ENTREP3: variants seen among roughly 807,000 people sequenced by gnomAD.
ENTREP3 encodes endosomal transmembrane epsin interactor 3, also known as protein ENTREP3.
At chr1:155,254,451 C>T in the ENTREP3 span, 61 of 1,614,088 alleles carry the variant, frequency 3.8e-5, no homozygotes, top group East Asian at 2.7e-4. The surrounding 1 kb of genome is among the most constrained non-coding windows in gnomAD (Gnocchi z 4.4). Flanking sequence ...CCCCGGAGAA[C>T]GCCAGCTGGG....
At chr1:155,249,171 C>G in the ENTREP3 span, among the ~76,000 whole-genome samples, 1 of 151,180 alleles carries the variant, frequency 6.6e-6, no homozygotes, top group Admixed American at 6.6e-5. Flanking sequence ...CACGGCAACC[C>G]CTGCTTTCCA....
chr1:155,254,014 A>G, the ENTREP3 span: 1 of 1,612,842 alleles, frequency 6.2e-7, no homozygotes, highest in Non-Finnish European at 8.5e-7. The surrounding 1 kb of genome is among the most constrained non-coding windows in gnomAD (Gnocchi z 4.4). Flanking sequence ...AGCCTGAGTC[A>G]GGACAAACTG....
At chr1:155,251,759 G>C in the ENTREP3 span, 2 of 1,611,108 alleles carry the variant, frequency 1.2e-6, no homozygotes, top group Admixed American at 1.7e-5. Flanking sequence ...CTGAGCTGCA[G>C]GTATACTCTG....
chr1:155,248,577 C>T, the ENTREP3 span: 1 of 873,724 alleles, frequency 1.1e-6, no homozygotes, highest in Non-Finnish European at 1.9e-6. Flanking sequence ...TCACAGCTCC[C>T]ACGCTCCATC....
chr1:155,253,662 C>G, the ENTREP3 span: 6 of 1,613,950 alleles, frequency 3.7e-6, no homozygotes, highest in African/African-American at 2.7e-5. Context: ...TTGGATGCAG[C>G]AGACAATAGC....
chr1:155,250,708 C>G, the ENTREP3 span: 138 of 1,612,970 alleles, frequency 8.6e-5, no homozygotes, highest in South Asian at 1.5e-3. This position sits in a 1 kb window ranked among gnomAD's most constrained non-coding sequence, Gnocchi z 5.4. Context: ...AGAACGTAGT[C>G]CACGGAGCGC....
chr1:155,251,746 T>C, the ENTREP3 span: 3 of 1,611,538 alleles, frequency 1.9e-6, no homozygotes. Context: ...TGTGCATCTG[T>C]TTCTGAGCTG....
the ENTREP3 span, chr1:155,251,832 AGGAGAGGGGCTG>A: frequency 6.4e-7 from 1 of 1,557,232 alleles, no homozygotes; most frequent in Non-Finnish European, 8.6e-7. Context: ...CATGGTGTGT[AGGAGAGGGGCTG>A]GGGGCGGGGA....
At chr1:155,251,262 C>G in the ENTREP3 span, 1 of 1,011,862 alleles carries the variant, frequency 9.9e-7, no homozygotes, top group East Asian at 2.6e-5. Context: ...CCAGCCTTGT[C>G]CCTTTGTACA....
chr1:155,247,283 C>G, the ENTREP3 span: 43 of 405,878 alleles, frequency 1.1e-4, no homozygotes, highest in Admixed American at 1.2e-3. Context: ...ATTCTACCTT[C>G]ACAGTCTTTA....
At chr1:155,251,223 GAC>G in the ENTREP3 span, 1 of 1,360,044 alleles carries the variant, frequency 7.4e-7, no homozygotes, top group Non-Finnish European at 1.0e-6. Flanking sequence ...CCATGTGCTA[GAC>G]AGAGCTCTGG....
At chr1:155,250,113 C>T in the ENTREP3 span, among the ~76,000 whole-genome samples, 8 of 152,150 alleles carry the variant, frequency 5.3e-5, no homozygotes, top group African/African-American at 1.9e-4. The surrounding 1 kb of genome is among the most constrained non-coding windows in gnomAD (Gnocchi z 5.4). Context: ...ATGTTCTGTC[C>T]CTAGGAGGTG....
the ENTREP3 span, chr1:155,254,751 G>A: frequency 6.2e-7 from 1 of 1,613,866 alleles, no homozygotes; most frequent in Admixed American, 1.7e-5. The surrounding 1 kb of genome is among the most constrained non-coding windows in gnomAD (Gnocchi z 4.4). Context: ...ATGCCCAGGA[G>A]CACTTGGACC....
chr1:155,251,829 T>C, the ENTREP3 span: 1 of 1,560,098 alleles, frequency 6.4e-7, no homozygotes, highest in Non-Finnish European at 8.6e-7. Flanking sequence ...CAGCATGGTG[T>C]GTAGGAGAGG....
chr1:155,253,796 G>T, the ENTREP3 span: 1 of 1,609,704 alleles, frequency 6.2e-7, no homozygotes, highest in Non-Finnish European at 8.5e-7. Flanking sequence ...ATGGGCCTGT[G>T]AGTACCCCAG....
the ENTREP3 span, chr1:155,248,143 G>T: frequency 1.2e-6 from 2 of 1,614,006 alleles, no homozygotes; most frequent in African/African-American, 2.7e-5. Flanking sequence ...CTGGCCAGCT[G>T]CCCTTTAGGT....
At chr1:155,248,297 C>T in the ENTREP3 span, 9 of 1,604,196 alleles carry the variant, frequency 5.6e-6, no homozygotes, top group Middle Eastern at 5.0e-4. Flanking sequence ...GGCTTCAGAG[C>T]AGAGCCCTGC....
At chr1:155,252,787 A>G in the ENTREP3 span, 1 of 122,476 alleles carries the variant, frequency 8.2e-6, no homozygotes, top group Non-Finnish European at 1.6e-5. Context: ...GCTGGAATGC[A>G]GTGGCACCAT....
chr1:155,251,815 G>C, the ENTREP3 span: 2 of 1,576,960 alleles, frequency 1.3e-6, no homozygotes, highest in Non-Finnish European at 1.7e-6. Context: ...AATTCCTCCA[G>C]GTCCAGCATG....
Sources: allele counts gnomAD v4.1 joint callset (sites outside exome capture counted in the v4.1 genomes callset), GRCh38; gene constraint gnomAD v4.1.1; non-coding constraint Gnocchi (gnomAD v3.1); transcripts MANE v1.5; gene names NCBI Gene and HGNC (gene_info 2026-07-23, HGNC 2026-07-21).